The following SLCO5A1 variants were observed in gnomAD, a reference collection of about 807,000 sequenced individuals.
SLCO5A1 encodes solute carrier organic anion transporter family member 5A1.
A neutral mutation model predicts 65.1 loss-of-function variants in SLCO5A1; 39 were observed. The observed-to-expected ratio is 0.60, with a 90% CI of 0.46 to 0.78. The LOEUF (loss-of-function observed/expected upper bound fraction) is 0.78, where lower values mean the gene tolerates loss of function less well. Ranked by LOEUF, SLCO5A1 falls within the 30% of genes least tolerant of loss-of-function variation. The pLI is 0.00. For synonymous variants in SLCO5A1, 438 were observed against 415.7 expected (o/e 1.05, Z -0.65); for missense variants, 1,029 against 1,069.4 (o/e 0.96, Z 0.53).
rs367803543 is a variant in SLCO5A1 at position 69,737,992 on chromosome 8, T to C, written c.1423+48A>G. ...CTTTCTCTTTACCCATTCCATTTCATGGTCAAAATGATCATGTTTTCAAGC... is the reference window on the plus strand; with the variant it reads ...CTTTCTCTTTACCCATTCCATTTCACGGTCAAAATGATCATGTTTTCAAGC... On this transcript the variant is annotated intron_variant, in intron 5 of 9. Coordinates refer to ENST00000260126, the MANE Select transcript of SLCO5A1 (RefSeq NM_030958.3). The C allele has an allele frequency of 1.2e-5, 19 of 1,582,884 alleles. No homozygotes were observed. The African/African-American group carries it at 2.4e-4, about 20-fold the overall frequency.
At chr8:69,692,642 C>A (rs1814319323) in intron 6 of SLCO5A1, among the ~76,000 whole-genome samples, 1 of 151,810 alleles carries the variant, frequency 6.6e-6, no homozygotes, top group African/African-American at 2.4e-5. Context: ...TCTTTTTTTG[C>A]CGTTTTAAAC....
intron 2 of SLCO5A1, among the ~76,000 whole-genome samples, chr8:69,778,350 C>T (rs185593643): frequency 1.6e-3 from 242 of 151,388 alleles, no homozygotes; most frequent in Admixed American, 3.9e-3. Context: ...AAAGGAAGGA[C>T]CAGAGATCTA....
chr8:69,725,770 AC>A (rs1816041149), intron 5 of SLCO5A1, among the ~76,000 whole-genome samples: 1 of 152,152 alleles, frequency 6.6e-6, no homozygotes, highest in Non-Finnish European at 1.5e-5. Flanking sequence ...TGTTGATTGA[AC>A]CAAGGATAAG....
intron 3 of SLCO5A1, among the ~76,000 whole-genome samples, chr8:69,756,887 G>A (rs965763705): frequency 3.3e-5 from 5 of 152,176 alleles, no homozygotes; most frequent in Non-Finnish European, 7.3e-5. Context: ...TCCCTAACAG[G>A]GTAGCCACGT....
intron 2 of SLCO5A1, among the ~76,000 whole-genome samples, chr8:69,788,748 A>T (rs959578429): frequency 6.6e-6 from 1 of 152,190 alleles, no homozygotes; most frequent in Non-Finnish European, 1.5e-5. Context: ...ATAATGCATT[A>T]GCATTTTATT....
At chr8:69,699,198 G>T (rs1311197866) in intron 6 of SLCO5A1, among the ~76,000 whole-genome samples, 1 of 152,166 alleles carries the variant, frequency 6.6e-6, no homozygotes, top group Non-Finnish European at 1.5e-5. Context: ...CATACTCCCT[G>T]TTTTCTGGAG....
chr8:69,780,569 T>A (rs950574007), intron 2 of SLCO5A1, among the ~76,000 whole-genome samples: 2 of 152,192 alleles, frequency 1.3e-5, no homozygotes, highest in Non-Finnish European at 2.9e-5. Flanking sequence ...AAATAGCACA[T>A]GTTCTCACTT....
intron 2 of SLCO5A1, among the ~76,000 whole-genome samples, chr8:69,764,775 T>A (rs746799650): frequency 1.3e-5 from 2 of 152,162 alleles, no homozygotes; most frequent in African/African-American, 2.4e-5. Context: ...AAAACTGTAA[T>A]GAGGCCAAAA....
At chr8:69,764,050 A>G (rs1021333102) in intron 2 of SLCO5A1, among the ~76,000 whole-genome samples, 1 of 152,138 alleles carries the variant, frequency 6.6e-6, no homozygotes. Flanking sequence ...TTTTTAGTAG[A>G]GACAGGGTTT....
At chr8:69,791,583 G>A (rs927866699) in intron 2 of SLCO5A1, among the ~76,000 whole-genome samples, 3 of 152,122 alleles carry the variant, frequency 2.0e-5, no homozygotes, top group African/African-American at 2.4e-5. Context: ...GTGCTGCTCC[G>A]CAGTTTTCAT....
Position 69,705,090 on chromosome 8 carries a change from T to A in SLCO5A1, c.1563A>T (p.Leu521=). 1 of 1,614,034 alleles carries A rather than the reference T, an allele frequency of 6.2e-7. No homozygotes were observed. The highest frequency in any genetic ancestry group is 8.5e-7 in the Non-Finnish European group (1 of 1,180,026). The change falls in exon 6 of 10, where the codon CTA becomes CTT. Residue 521 remains leucine (L), a synonymous_variant. Coordinates refer to ENST00000260126, the MANE Select transcript of SLCO5A1 (RefSeq NM_030958.3). ...SGVSLLCFST[L]FIVGCESINL... is the part of the protein sequence containing the mutation. ...TAATGCTTTCACATCCAACAATAAA[T>A]AGGGTTGAAAAACATAGTAAAGACA... is the stretch of plus-strand genomic sequence containing the variant.
chr8:69,711,627 G>T (rs570491122), intron 5 of SLCO5A1, among the ~76,000 whole-genome samples: 1 of 152,330 alleles, frequency 6.6e-6, no homozygotes, highest in East Asian at 1.9e-4. Context: ...CCAGGTAAGA[G>T]TCTGGGCTAT....
chr8:69,722,830 C>T (rs545826403), intron 5 of SLCO5A1, among the ~76,000 whole-genome samples: 21 of 147,392 alleles, frequency 1.4e-4, no homozygotes, highest in Non-Finnish European at 2.5e-4. Context: ...TATGCGTGTA[C>T]GTATTGTGTG....
At chr8:69,731,802 G>A (rs1816349834) in intron 5 of SLCO5A1, among the ~76,000 whole-genome samples, 1 of 152,176 alleles carries the variant, frequency 6.6e-6, no homozygotes, top group Non-Finnish European at 1.5e-5. Context: ...TGGTTTGCAA[G>A]TACCTTTCTC....
At chr8:69,813,164 G>C (rs1820274492) in intron 2 of SLCO5A1, among the ~76,000 whole-genome samples, 1 of 151,996 alleles carries the variant, frequency 6.6e-6, no homozygotes. Flanking sequence ...ACTCTATGCA[G>C]TCTTACTCAC....
chr8:69,797,699 C>A (rs1819560985), intron 2 of SLCO5A1, among the ~76,000 whole-genome samples: 1 of 152,222 alleles, frequency 6.6e-6, no homozygotes, highest in Non-Finnish European at 1.5e-5. Context: ...CACTCCCAGG[C>A]TTATTAGGAC....
chr8:69,673,446 G>T lies in SLCO5A1; in HGVS notation c.2090-120C>A, dbSNP rs370053723. Reference sequence around the variant, plus strand: ...ACCAGTTGAGGGGAGGGATTTTCTTGTGTTACCAGATTTTTTTTAAGACGC... The same window carrying T: ...ACCAGTTGAGGGGAGGGATTTTCTTTTGTTACCAGATTTTTTTTAAGACGC... On this transcript the variant is annotated intron_variant, in intron 9 of 9. Coordinates refer to ENST00000260126, the MANE Select transcript of SLCO5A1 (RefSeq NM_030958.3). The T allele has an allele frequency of 5.1e-6, 4 of 787,208 alleles. No individual in the cohort carries two copies. The South Asian group carries it at 7.2e-5, about 14-fold the overall frequency. The allele number at this position is 787,208 out of a possible 1,614,324, so 48.8% of individuals were successfully genotyped here.
intron 8 of SLCO5A1, 26 bp from the exon 9 acceptor site, chr8:69,676,699 G>A: frequency 6.3e-7 from 1 of 1,598,452 alleles, no homozygotes; most frequent in Non-Finnish European, 8.6e-7. Context: ...AGAAGGAAAT[G>A]CATTTTAAAT....
At chr8:69,703,506 C>T (rs75463363) in intron 6 of SLCO5A1, among the ~76,000 whole-genome samples, 6,976 of 152,152 alleles carry the variant, frequency 0.046, 227 homozygotes, top group Non-Finnish European at 0.062. Context: ...CATAGTGAGA[C>T]GATGTCTATA....
Sources: allele counts gnomAD v4.1 joint callset (sites outside exome capture counted in the v4.1 genomes callset), GRCh38; gene constraint gnomAD v4.1.1; transcripts MANE v1.5; gene names NCBI Gene and HGNC (gene_info 2026-07-23, HGNC 2026-07-21).